Variants in TPO observed in about 807,000 individuals in gnomAD.
TPO encodes thyroid peroxidase, also known as thyroid microsomal antigen.
TPO carries 78 observed loss-of-function variants against 96.9 expected under a neutral mutation model. The ratio of observed to expected loss-of-function variants is 0.81; its 90% CI spans 0.67 to 0.97. TPO has a LOEUF of 0.97. Among genes scored for constraint, TPO ranks in the 50% least tolerant of loss-of-function variants. The pLI is 0.00. For synonymous variants in TPO, 547 were observed against 538.0 expected (o/e 1.02, Z -0.23); for missense variants, 1,252 against 1,274.8 (o/e 0.98, Z 0.27).
Position 1,433,448 on chromosome 2 carries a change from A to G in TPO, c.190A>G (p.Lys64Glu), listed in dbSNP as rs1293186318. The G allele has an allele frequency of 1.2e-6, 2 of 1,614,250 alleles. No homozygotes were observed. Among genetic ancestry groups the G allele is most frequent in the Admixed American group, 3.3e-5 (2 of 60,028 alleles). The change falls in exon 4 of 17, where the codon AAA becomes GAA. Residue 64 changes from lysine to glutamate, a missense_variant. Coordinates refer to ENST00000329066, the MANE Select transcript of TPO (RefSeq NM_001206744.2). ...CTTTATGTGCCATAGAAACCTCAAG[A>G]AAAGAGGAATCCTTTCTCCAGCTCA... ...MYATMQRNLKKRGILSPAQLL... is the reference protein window; with the variant it reads ...MYATMQRNLKERGILSPAQLL...
At chr2:1,514,389 T>C (rs1674469608) in intron 14 of TPO, among the ~76,000 whole-genome samples, 1 of 152,172 alleles carries the variant, frequency 6.6e-6, no homozygotes, top group South Asian at 2.1e-4. Context: ...AGCGGACACA[T>C]AAAATTAACC....
At chr2:1,486,725 C>T (rs1671199184) in intron 9 of TPO, among the ~76,000 whole-genome samples, 2 of 152,080 alleles carry the variant, frequency 1.3e-5, no homozygotes. Context: ...TCTTTATATT[C>T]CTTTCCCAGT....
chr2:1,411,692 C>G (rs1420828259), upstream of TPO, among the ~76,000 whole-genome samples: 2 of 152,150 alleles, frequency 1.3e-5, no homozygotes, highest in Non-Finnish European at 1.5e-5. Flanking sequence ...CCTGGAGACC[C>G]CAGAGGCCCT....
In TPO at chr2:1,522,821, A is replaced by G. The variant is rs1573529750; in HGVS notation, c.2618+5839A>G. Among the ~76,000 whole-genome samples the G allele has an allele frequency of 3.1e-4, 8 of 25,480 alleles. No individual in the cohort carries two copies. In the South Asian group the frequency reaches 9.7e-3, roughly 31 times the overall value. The allele number at this position is 25,480 out of a possible 152,430, so 16.7% of individuals were successfully genotyped here. A position where few individuals can be genotyped will look rare whatever the true frequency, so the allele number is the denominator to read the frequency against. On this transcript the variant is annotated intron_variant, in intron 15 of 16. Transcript: ENST00000329066. The stretch of plus-strand genomic sequence containing the variant: ...GTGTGCAACCCCCCAAATCTCCCCC[A>G]CTGTGAGCAAAACCCCAAATCCCCC...
intron 1 of TPO, among the ~76,000 whole-genome samples, chr2:1,374,875 C>T (rs1350936345): frequency 2.6e-5 from 4 of 151,598 alleles, no homozygotes; most frequent in African/African-American, 7.3e-5. Flanking sequence ...TACAGGCACC[C>T]GCCACCACGC....
chr2:1,470,164 A>T (rs1669261566), intron 7 of TPO, among the ~76,000 whole-genome samples: 1 of 152,250 alleles, frequency 6.6e-6, no homozygotes, highest in Admixed American at 6.5e-5. Context: ...CTTGAATTTT[A>T]CATTATTGGC....
chr2:1,426,865 C>T (rs1664466529), intron 3 of TPO, among the ~76,000 whole-genome samples: 1 of 152,168 alleles, frequency 6.6e-6, no homozygotes, highest in South Asian at 2.1e-4. Context: ...AATAACTTTT[C>T]TAAATAATAA....
At chr2:1,447,903 C>T (rs1175737293) in intron 5 of TPO, among the ~76,000 whole-genome samples, 3 of 152,144 alleles carry the variant, frequency 2.0e-5, no homozygotes. Flanking sequence ...GGGAGAGAAC[C>T]TGAGTTAAAC....
chr2:1,530,946 C>T (rs1311566813), intron 15 of TPO, among the ~76,000 whole-genome samples: 19 of 103,988 alleles, frequency 1.8e-4, no homozygotes, highest in African/African-American at 7.4e-4. Flanking sequence ...AATCCCCCCA[C>T]TATGTGCGAC....
chr2:1,477,868 C>T (rs1174706066), intron 8 of TPO: 1 of 985,444 alleles, frequency 1.0e-6, no homozygotes, highest in Non-Finnish European at 1.2e-6. Context: ...CGGGGCCCCT[C>T]TGTCCCACCT....
chr2:1,391,911 T>G (rs1662005862), intron 1 of TPO, among the ~76,000 whole-genome samples: 1 of 152,202 alleles, frequency 6.6e-6, no homozygotes, highest in Non-Finnish European at 1.5e-5. Context: ...TAAGGAGATT[T>G]GGGGCTGAGA....
rs532970549 is a variant in TPO, at chr2:1,514,884, C to T, written c.2519-1999C>T. 6.6e-5 allele frequency among the ~76,000 whole-genome samples: 10 copies of T among 152,318 alleles called. No homozygotes were observed. The South Asian group carries it at 2.1e-3, about 32-fold the overall frequency. On this transcript the variant is annotated intron_variant, in intron 14 of 16. Transcript: ENST00000329066. ...AAACATGGAGCTGCTTACGTCCCTG[C>T]TGTGGGTCTGCCGTTTGCTGGTGTG...
intron 14 of TPO, among the ~76,000 whole-genome samples, chr2:1,507,861 T>C (rs1673645865): frequency 6.6e-6 from 1 of 152,158 alleles, no homozygotes; most frequent in African/African-American, 2.4e-5. Flanking sequence ...CTTTTCCTAA[T>C]TGAATACCCT....
At chr2:1,446,949 A>G (rs1355562800) in intron 5 of TPO, among the ~76,000 whole-genome samples, 1 of 152,044 alleles carries the variant, frequency 6.6e-6, no homozygotes, top group African/African-American at 2.4e-5. Flanking sequence ...ATCTCATTTT[A>G]TGTTTTCTGC....
intron 5 of TPO, among the ~76,000 whole-genome samples, chr2:1,449,167 T>A (rs1221815839): frequency 1.3e-5 from 2 of 152,356 alleles, no homozygotes; most frequent in African/African-American, 4.8e-5. Context: ...GAAGAACCCT[T>A]AAGATCTACC....
intron 5 of TPO, among the ~76,000 whole-genome samples, chr2:1,443,767 G>A (rs1189257507): frequency 1.7e-4 from 3 of 18,072 alleles, no homozygotes; most frequent in Non-Finnish European, 1.6e-4. Context: ...AAGGGAATGG[G>A]GCAGGCTCCT....
chr2:1,391,070 A>C (rs74357460), intron 1 of TPO, among the ~76,000 whole-genome samples: 21,986 of 152,126 alleles, frequency 0.14, 3,540 homozygotes, highest in African/African-American at 0.4. Context: ...TTTTGTTGCC[A>C]TTGCTTTTGG....
intron 15 of TPO, among the ~76,000 whole-genome samples, chr2:1,528,630 C>A (rs976260755): frequency 2.1e-5 from 3 of 142,450 alleles, no homozygotes; most frequent in African/African-American, 8.1e-5. Flanking sequence ...TCCCCAAATC[C>A]CCCCCACTGT....
chr2:1,421,460 A>T (rs1259923209), intron 2 of TPO, among the ~76,000 whole-genome samples: 3 of 151,968 alleles, frequency 2.0e-5, no homozygotes, highest in Non-Finnish European at 4.4e-5. Context: ...GATTTGTCTC[A>T]CTCCAGAGCC....
Sources: gnomAD v4.1 joint callset for allele counts (sites outside exome capture counted in the v4.1 genomes callset) on GRCh38, gnomAD v4.1.1 for gene constraint, MANE v1.5 for transcripts, NCBI Gene and HGNC (gene_info 2026-07-23, HGNC 2026-07-21) for gene names.